Variants in LOC128092253 observed in about 807,000 individuals in gnomAD.
chr6:133,973,908 G>A, the LOC128092253 span, among the ~76,000 whole-genome samples: 14 of 149,682 alleles, frequency 9.4e-5, no homozygotes, highest in Admixed American at 4.7e-4. Flanking sequence ...ATTGGTATTT[G>A]TATTTAAATC....
At chr6:133,975,575 C>G in the LOC128092253 span, among the ~76,000 whole-genome samples, 1 of 152,054 alleles carries the variant, frequency 6.6e-6, no homozygotes, top group Admixed American at 6.6e-5. Flanking sequence ...AATCTTGATG[C>G]TCAAACCAGA....
chr6:133,976,716 G>A, the LOC128092253 span, among the ~76,000 whole-genome samples: 17 of 152,202 alleles, frequency 1.1e-4, no homozygotes, highest in African/African-American at 2.6e-4. Context: ...TCGGCCTGGC[G>A]CGGTGGCCCA....
chr6:133,972,764 A>G, the LOC128092253 span, among the ~76,000 whole-genome samples: 5 of 152,190 alleles, frequency 3.3e-5, no homozygotes, highest in Non-Finnish European at 5.9e-5. Context: ...AAATAATACA[A>G]TTAATATTCA....
the LOC128092253 span, chr6:133,980,078 T>C: frequency 1.6e-5 from 22 of 1,418,678 alleles, no homozygotes; most frequent in East Asian, 2.1e-4. Flanking sequence ...GTTTTATTTC[T>C]CAGGATGTGA....
chr6:133,960,999 TG>T, the LOC128092253 span, among the ~76,000 whole-genome samples: 2 of 152,216 alleles, frequency 1.3e-5, no homozygotes, highest in Non-Finnish European at 1.5e-5. Flanking sequence ...CTTCAGGATT[TG>T]GGGGTCTGAC....
the LOC128092253 span, among the ~76,000 whole-genome samples, chr6:133,969,706 T>C: frequency 6.6e-6 from 1 of 152,186 alleles, no homozygotes; most frequent in African/African-American, 2.4e-5. Flanking sequence ...GTCCTCATGA[T>C]AGAATGTCAC....
the LOC128092253 span, among the ~76,000 whole-genome samples, chr6:133,963,959 G>C: frequency 0.15 from 22,185 of 151,874 alleles, 2,121 homozygotes; most frequent in African/African-American, 0.28. Context: ...GAGAATGGTG[G>C]GAACCTGGGA....
the LOC128092253 span, among the ~76,000 whole-genome samples, chr6:133,968,479 A>G: frequency 1.3e-5 from 2 of 152,204 alleles, no homozygotes; most frequent in Non-Finnish European, 2.9e-5. Flanking sequence ...AGTTAATATT[A>G]TTGTTAGCAT....
At chr6:133,971,077 C>G in the LOC128092253 span, among the ~76,000 whole-genome samples, 1 of 152,114 alleles carries the variant, frequency 6.6e-6, no homozygotes, top group South Asian at 2.1e-4. Flanking sequence ...ATTGACCAAC[C>G]TCCGTTCATT....
chr6:133,966,717 T>A, the LOC128092253 span, among the ~76,000 whole-genome samples: 3 of 152,158 alleles, frequency 2.0e-5, no homozygotes, highest in Admixed American at 2.0e-4. Context: ...CCTGCAGTCA[T>A]TCTCCATCTC....
At chr6:133,960,602 A>G in the LOC128092253 span, among the ~76,000 whole-genome samples, 1 of 152,164 alleles carries the variant, frequency 6.6e-6, no homozygotes, top group Admixed American at 6.5e-5. Context: ...TGGCCTATTA[A>G]AATTAGAAGA....
chr6:133,969,808 A>G, the LOC128092253 span, among the ~76,000 whole-genome samples: 1 of 152,224 alleles, frequency 6.6e-6, no homozygotes, highest in African/African-American at 2.4e-5. Context: ...ATGCATGCTG[A>G]AGGGGAAGTG....
At chr6:133,974,727 A>G in the LOC128092253 span, among the ~76,000 whole-genome samples, 35 of 152,368 alleles carry the variant, frequency 2.3e-4, no homozygotes, top group African/African-American at 7.7e-4. Flanking sequence ...TCCTATAGAA[A>G]GTTTTTGTAC....
chr6:133,975,922 A>G, the LOC128092253 span, among the ~76,000 whole-genome samples: 1 of 152,298 alleles, frequency 6.6e-6, no homozygotes, highest in South Asian at 2.1e-4. Flanking sequence ...TATCTTAAAT[A>G]TATGGTAGTG....
At chr6:133,977,611 T>C in the LOC128092253 span, among the ~76,000 whole-genome samples, 5 of 152,204 alleles carry the variant, frequency 3.3e-5, no homozygotes, top group Admixed American at 2.6e-4. Context: ...AAGTTTCTTC[T>C]TCAGTAGTTG....
At chr6:133,953,669 G>A in the LOC128092253 span, among the ~76,000 whole-genome samples, 1 of 152,146 alleles carries the variant, frequency 6.6e-6, no homozygotes, top group Non-Finnish European at 1.5e-5. Context: ...AGGGATAACG[G>A]GTTGGGGGTG....
the LOC128092253 span, among the ~76,000 whole-genome samples, chr6:133,973,017 A>G: frequency 1.3e-5 from 2 of 152,228 alleles, no homozygotes; most frequent in African/African-American, 4.8e-5. Flanking sequence ...CTTATTTTAT[A>G]CTATCAAACA....
the LOC128092253 span, among the ~76,000 whole-genome samples, chr6:133,965,356 C>T: frequency 2.0e-5 from 3 of 152,166 alleles, no homozygotes; most frequent in Non-Finnish European, 4.4e-5. Flanking sequence ...ATGAAATGAA[C>T]ATCATAAACT....
the LOC128092253 span, among the ~76,000 whole-genome samples, chr6:133,962,551 C>A: frequency 1.3e-5 from 2 of 152,150 alleles, no homozygotes; most frequent in African/African-American, 2.4e-5. Flanking sequence ...AGCAAGATTT[C>A]TTGAGGTGCT....
Sources: allele counts gnomAD v4.1 joint callset (sites outside exome capture counted in the v4.1 genomes callset), GRCh38; gene constraint gnomAD v4.1.1; transcripts MANE v1.5.